The following TOM1L2 variants were observed in gnomAD, a reference collection of about 807,000 sequenced individuals.
The protein encoded by TOM1L2 is target of myb1 like 2 membrane trafficking protein.
Under a neutral mutation model 67.9 loss-of-function variants are expected in TOM1L2, and 31 were observed. The ratio of observed to expected loss-of-function variants is 0.46; its 90% CI spans 0.34 to 0.62. The LOEUF (loss-of-function observed/expected upper bound fraction) is 0.62. Among genes scored for constraint, TOM1L2 ranks in the 20% least tolerant of loss-of-function variants. The pLI is 0.01. For missense variants in TOM1L2, 606 were observed against 663.5 expected (o/e 0.91, Z 0.95); for synonymous variants, 256 against 254.0 (o/e 1.01, Z -0.07).
intron 1 of TOM1L2, among the ~76,000 whole-genome samples, chr17:17,968,802 G>GT (rs543507901): frequency 8.2e-4 from 125 of 152,144 alleles, no homozygotes; most frequent in Middle Eastern, 6.8e-3. Context: ...AGATGTGCCT[G>GT]TGCCCCACTC....
At chr17:17,903,872 A>AG (rs1568223079) in intron 2 of TOM1L2, among the ~76,000 whole-genome samples, 41 of 151,794 alleles carry the variant, frequency 2.7e-4, no homozygotes, top group African/African-American at 9.2e-4. Context: ...TACTTAGTGA[A>AG]AGAGGTGACG....
At chr17:17,962,909 C>T (rs1016462287) in intron 1 of TOM1L2, among the ~76,000 whole-genome samples, 10 of 150,752 alleles carry the variant, frequency 6.6e-5, no homozygotes, top group African/African-American at 2.0e-4. Context: ...TGCAATGAGC[C>T]GAGGTCGTGC....
intron 7 of TOM1L2, 198 bp from the exon 8 acceptor site, chr17:17,869,671 CT>C (rs2037052612): frequency 7.3e-7 from 1 of 1,376,536 alleles, no homozygotes; most frequent in East Asian, 2.6e-5. Flanking sequence ...GAAACAAGTA[CT>C]TTTTCAGCAG....
At chr17:17,959,587 C>A (rs561541222) in intron 1 of TOM1L2, among the ~76,000 whole-genome samples, 2 of 152,108 alleles carry the variant, frequency 1.3e-5, no homozygotes, top group Non-Finnish European at 2.9e-5. Context: ...GCTTTCAAAC[C>A]CCAAGCAACA....
At chr17:17,921,058 C>T (rs1330281123) in intron 1 of TOM1L2, among the ~76,000 whole-genome samples, 1 of 152,202 alleles carries the variant, frequency 6.6e-6, no homozygotes, top group Non-Finnish European at 1.5e-5. Context: ...TGCCCTTTTT[C>T]TGCTCATGAT....
chr17:17,957,220 A>G (rs1368856458), intron 1 of TOM1L2, among the ~76,000 whole-genome samples: 1 of 152,222 alleles, frequency 6.6e-6, no homozygotes, highest in Non-Finnish European at 1.5e-5. Context: ...GCCTCAAGCA[A>G]TCCTCCTGCC....
rs879446612 is a variant in TOM1L2, at chr17:17,935,874, TG to T, written c.53-28344del. On this transcript the variant is annotated intron_variant, in intron 1 of 14. Transcript: ENST00000379504. ...TTCCACCTATCAATTTAGCAAATTC[TG>T]AGGAATGACTCACACTGGTGGTGCC... Among the ~76,000 whole-genome samples, 157 of 152,312 alleles carry T rather than the reference TG, an allele frequency of 1.0e-3. 1 individual carries two copies. The highest frequency in any genetic ancestry group is 1.8e-3 in the Admixed American group (28 of 15,302).
chr17:17,945,284 A>ACT (rs1421430039), intron 1 of TOM1L2, among the ~76,000 whole-genome samples: 12 of 151,230 alleles, frequency 7.9e-5, no homozygotes, highest in Middle Eastern at 3.2e-3. Context: ...ACACACACAC[A>ACT]CACACACTCT....
At chr17:17,925,325 T>A (rs2040039583) in intron 1 of TOM1L2, among the ~76,000 whole-genome samples, 2 of 152,070 alleles carry the variant, frequency 1.3e-5, no homozygotes, top group Non-Finnish European at 2.9e-5. Flanking sequence ...AATTGATTTT[T>A]AAAAAAACAT....
At chr17:17,962,800 A>G (rs1273053696) in intron 1 of TOM1L2, among the ~76,000 whole-genome samples, 1 of 151,966 alleles carries the variant, frequency 6.6e-6, no homozygotes, top group Non-Finnish European at 1.5e-5. Context: ...CTCTACTAAA[A>G]TTGCAAAAAA....
rs180793648 is a variant in TOM1L2, at chr17:17,863,123, G to A, written c.1085-275C>T. On this transcript the variant is annotated intron_variant, in intron 10 of 14. Coordinates refer to ENST00000379504, the MANE Select transcript of TOM1L2 (RefSeq NM_001082968.2). ...CTGGGGTGACAAGGCAGGGACTGGC[G>A]CCAGTGCACCTGCAGATTTTCCATA... Among the ~76,000 whole-genome samples the A allele has an allele frequency of 1.1e-3, 160 of 152,304 alleles. 1 individual carries two copies. The highest frequency in any genetic ancestry group is 3.5e-3 in the African/African-American group (145 of 41,564).
chr17:17,924,365 A>T (rs530441337), intron 1 of TOM1L2, among the ~76,000 whole-genome samples: 121 of 152,018 alleles, frequency 8.0e-4, no homozygotes, highest in African/African-American at 2.5e-3. Context: ...AATGTTTTTT[A>T]AAAAAAACTC....
At chr17:17,959,216 G>C (rs2041590556) in intron 1 of TOM1L2, among the ~76,000 whole-genome samples, 1 of 152,192 alleles carries the variant, frequency 6.6e-6, no homozygotes, top group South Asian at 2.1e-4. Flanking sequence ...TGGTAACCAG[G>C]AACTTGTGAC....
chr17:17,866,847 A>G, intron 9 of TOM1L2, 29 bp downstream of exon 9: 1 of 1,608,348 alleles, frequency 6.2e-7, no homozygotes, highest in Admixed American at 1.7e-5. Context: ...TGGCCTCAGG[A>G]GATGACAGGA....
At chr17:17,935,715 G>A (rs2040489488) in intron 1 of TOM1L2, among the ~76,000 whole-genome samples, 1 of 152,148 alleles carries the variant, frequency 6.6e-6, no homozygotes. Flanking sequence ...GTCCACCAAT[G>A]ATGCCATCAT....
At chr17:17,946,305 T>C (rs1253145608) in intron 1 of TOM1L2, among the ~76,000 whole-genome samples, 1 of 152,190 alleles carries the variant, frequency 6.6e-6, no homozygotes, top group East Asian at 1.9e-4. Flanking sequence ...ATCACCACTA[T>C]GTAACTCTAG....
intron 7 of TOM1L2, among the ~76,000 whole-genome samples, chr17:17,878,580 G>A (rs1439462005): frequency 2.0e-5 from 3 of 152,210 alleles, no homozygotes; most frequent in Non-Finnish European, 4.4e-5. Context: ...CTTCACAGGC[G>A]GCAAGCATGT....
chr17:17,931,844 C>G (rs1286520228), intron 1 of TOM1L2, among the ~76,000 whole-genome samples: 1 of 152,310 alleles, frequency 6.6e-6, no homozygotes, highest in African/African-American at 2.4e-5. Flanking sequence ...AATAAAGATC[C>G]TCTTCCTTGT....
At chr17:17,968,580 G>A (rs1024421837) in intron 1 of TOM1L2, among the ~76,000 whole-genome samples, 7 of 151,524 alleles carry the variant, frequency 4.6e-5, no homozygotes, top group Admixed American at 1.3e-4. Flanking sequence ...CAGGAGAATC[G>A]CTTGAACTTG....
Sources: gnomAD v4.1 joint callset for allele counts (sites outside exome capture counted in the v4.1 genomes callset) on GRCh38, gnomAD v4.1.1 for gene constraint, MANE v1.5 for transcripts, NCBI Gene and HGNC (gene_info 2026-07-23, HGNC 2026-07-21) for gene names.